Variants in CACNA1B observed in about 807,000 individuals in gnomAD.
CACNA1B encodes the protein calcium voltage-gated channel subunit alpha1 B.
In CACNA1B, 70 loss-of-function variants were observed where a neutral mutation model predicts 247.2. That is an observed-to-expected ratio of 0.28 (90% confidence interval 0.23 to 0.35). The LOEUF (loss-of-function observed/expected upper bound fraction) is 0.35, where lower values mean the gene tolerates loss of function less well. Among genes scored for constraint, CACNA1B ranks in the 10% least tolerant of loss-of-function variants. The pLI is 1.00. For missense variants in CACNA1B, 2,367 were observed against 3,197.4 expected (o/e 0.74, Z 6.26); for synonymous variants, 1,231 against 1,294.4 (o/e 0.95, Z 1.05).
chr9:138,050,070 G>A lies in CACNA1B; in HGVS notation c.3710+755G>A, dbSNP rs749408573. ...TCTTTGTCTTCCTCTTGCTGGACTC[G>A]GCAGGAGCTTCGTGGGGTAATGCCT... On this transcript the variant is annotated intron_variant, in intron 24 of 46. Coordinates refer to ENST00000371372, the MANE Select transcript of CACNA1B (RefSeq NM_000718.4). This position sits in a 1 kb window ranked among gnomAD's most constrained non-coding sequence, Gnocchi z 5.2. 11 of 1,289,464 alleles carry A rather than the reference G, an allele frequency of 8.5e-6. No individual in the cohort carries two copies. The highest frequency in any genetic ancestry group is 1.1e-4 in the East Asian group (2 of 18,024). 79.9% of individuals were successfully genotyped at this position (1,289,464 alleles called of 1,614,324 possible). A position where few individuals can be genotyped will look rare whatever the true frequency, so the allele number is the denominator to read the frequency against.
rs76363813 is a variant in CACNA1B, at chr9:138,114,535, G to A, written c.5649+45G>A. ...TTTCCAGGAAAACTGTGATGCCTCCGAGGCTCTGGCATCCTTCGGGGGGTT... is the reference window on the plus strand; with the variant it reads ...TTTCCAGGAAAACTGTGATGCCTCCAAGGCTCTGGCATCCTTCGGGGGGTT... On this transcript the variant is annotated intron_variant, in intron 41 of 46. Coordinates refer to ENST00000371372, the MANE Select transcript of CACNA1B (RefSeq NM_000718.4). 3,883 of 982,846 alleles carry A rather than the reference G, an allele frequency of 4.0e-3. 83 individuals are homozygous for A. In the African/African-American group the frequency reaches 0.05, roughly 13 times the overall value. 60.9% of individuals were successfully genotyped at this position (982,846 alleles called of 1,614,324 possible).
At chr9:137,963,938 C>G (rs1270194160) in intron 10 of CACNA1B, among the ~76,000 whole-genome samples, 1 of 152,180 alleles carries the variant, frequency 6.6e-6, no homozygotes, top group African/African-American at 2.4e-5. Context: ...GATCTTATTT[C>G]TCCTTCACTT....
chr9:138,117,200 G>A (rs746742779), intron 42 of CACNA1B, among the ~76,000 whole-genome samples: 3 of 152,172 alleles, frequency 2.0e-5, no homozygotes, highest in Non-Finnish European at 4.4e-5. Flanking sequence ...TGGGGCAGGC[G>A]TATGGGGAGC....
chr9:138,115,824 G>A (rs1391127589), intron 42 of CACNA1B, 145 bp downstream of exon 42: 6 of 790,440 alleles, frequency 7.6e-6, no homozygotes, highest in Non-Finnish European at 7.9e-6. Flanking sequence ...CCTGAGGGGC[G>A]TGTCTGCCAT....
Position 138,049,455 on chromosome 9 carries a change from C to A in CACNA1B, c.3710+140C>A. On this transcript the variant is annotated intron_variant, in intron 24 of 46. Transcript: ENST00000371372. ...TCTGTTGCTGTCCATGTGGGACTGT[C>A]CCTGCCTGCTTGGGGCGGGGCTGCG... The A allele has an allele frequency of 1.9e-5, 13 of 679,136 alleles. No homozygotes were observed. The South Asian group carries it at 2.2e-4, about 11-fold the overall frequency. 42.1% of individuals were successfully genotyped at this position (679,136 alleles called of 1,614,324 possible).
chr9:138,099,915 C>T (rs1450803093), intron 37 of CACNA1B, among the ~76,000 whole-genome samples: 1 of 152,240 alleles, frequency 6.6e-6, no homozygotes, highest in Non-Finnish European at 1.5e-5. Flanking sequence ...CTGTGTCCAC[C>T]CATCTGTCTA....
rs1266985644 is a variant in CACNA1B at position 138,031,560 on chromosome 9, C to T, written c.3286+6388C>T. ...GTTATTGAGTATCTTTGTCTACATT[C>T]GGATTTTCTGTCTAGATATGTCAAT... On this transcript the variant is annotated intron_variant, in intron 20 of 46. Coordinates refer to ENST00000371372, the MANE Select transcript of CACNA1B (RefSeq NM_000718.4). Among the ~76,000 whole-genome samples the T allele has an allele frequency of 5.9e-5, 9 of 152,214 alleles. No homozygotes were observed. The East Asian group carries it at 9.6e-4, about 16-fold the overall frequency.
chr9:137,993,659 TACCCTGAACAG>T (rs1298086489), intron 15 of CACNA1B, among the ~76,000 whole-genome samples: 4 of 152,286 alleles, frequency 2.6e-5, no homozygotes, highest in African/African-American at 9.6e-5. Context: ...GAGAATTAGA[TACCCTGAACAG>T]ACCAGTAACG....
In CACNA1B at chr9:137,956,895, G is replaced by T. The variant is rs991811786; in HGVS notation, c.1243+68G>T. 12 of 1,316,336 alleles carry T rather than the reference G, an allele frequency of 9.1e-6. 1 individual carries two copies. In the East Asian group the frequency reaches 9.2e-5, roughly 10 times the overall value. The allele number at this position is 1,316,336 out of a possible 1,614,324, so 81.5% of individuals were successfully genotyped here. A position where few individuals can be genotyped will look rare whatever the true frequency, so the allele number is the denominator to read the frequency against. ...GGTGGCCACGTGGGTGGTGACACGT[G>T]CCTGCTTGCATGTTTCACGCGAAGT... On this transcript the variant is annotated intron_variant, in intron 9 of 46. Coordinates refer to ENST00000371372, the MANE Select transcript of CACNA1B (RefSeq NM_000718.4).
intron 31 of CACNA1B, among the ~76,000 whole-genome samples, chr9:138,069,057 A>G (rs1194543894): frequency 1.3e-5 from 2 of 152,146 alleles, no homozygotes; most frequent in Non-Finnish European, 2.9e-5. Context: ...TGCTGGTTGG[A>G]AAGCTCAGCT....
chr9:138,015,141 G>A (rs1389178103), intron 18 of CACNA1B, among the ~76,000 whole-genome samples: 1 of 152,152 alleles, frequency 6.6e-6, no homozygotes, highest in East Asian at 1.9e-4. Context: ...AACTCAAGCA[G>A]GCTGCAGCCC....
intron 36 of CACNA1B, among the ~76,000 whole-genome samples, chr9:138,078,912 CAG>C (rs1396310673): frequency 1.3e-5 from 2 of 152,126 alleles, no homozygotes; most frequent in African/African-American, 4.8e-5. Context: ...TCTGGGGCCA[CAG>C]GGTGAGCAGT....
chr9:138,074,289 G>A (rs1960235836), intron 34 of CACNA1B, among the ~76,000 whole-genome samples: 1 of 150,804 alleles, frequency 6.6e-6, no homozygotes, highest in Admixed American at 6.6e-5. Flanking sequence ...CACCCCGGCT[G>A]GAGTGCAATG....
chr9:137,962,786 G>A (rs1277769652), intron 10 of CACNA1B, among the ~76,000 whole-genome samples: 1 of 152,252 alleles, frequency 6.6e-6, no homozygotes, highest in African/African-American at 2.4e-5. Flanking sequence ...TTGCTGAGGA[G>A]TGTTTGACTT....
chr9:137,933,812 G>C (rs886583513), intron 6 of CACNA1B, among the ~76,000 whole-genome samples: 16 of 152,118 alleles, frequency 1.1e-4, no homozygotes, highest in Non-Finnish European at 2.1e-4. Context: ...AGGGGTAAAG[G>C]GAAGCTCTGT....
At chr9:138,036,281 A>G (rs889211864) in intron 20 of CACNA1B, among the ~76,000 whole-genome samples, 4 of 152,100 alleles carry the variant, frequency 2.6e-5, no homozygotes, top group African/African-American at 9.7e-5. Context: ...CTGGGACTAC[A>G]GGCGCCCGCC....
chr9:138,123,695 A>G lies in CACNA1B; in HGVS notation c.*1696A>G, dbSNP rs982058061. The G allele has an allele frequency of 6.6e-6, 1 of 152,084 alleles. No individual in the cohort carries two copies. Among genetic ancestry groups the G allele is most frequent in the Non-Finnish European group, 1.5e-5 (1 of 68,020 alleles). 9.4% of individuals were successfully genotyped at this position (152,084 alleles called of 1,614,324 possible). A position where few individuals can be genotyped will look rare whatever the true frequency, so the allele number is the denominator to read the frequency against. Reference sequence around the variant, plus strand: ...GACACATTTAATAGAAGTAAAACACACAAGACCGCTGCCTGGTCTCGGGGT... The same window carrying G: ...GACACATTTAATAGAAGTAAAACACGCAAGACCGCTGCCTGGTCTCGGGGT... On this transcript the variant is annotated 3_prime_UTR_variant, in exon 47 of 47. Coordinates refer to ENST00000371372, the MANE Select transcript of CACNA1B (RefSeq NM_000718.4).
chr9:138,057,716 A>T lies in CACNA1B; in HGVS notation c.3969-16A>T. On this transcript the variant is annotated splice_polypyrimidine_tract_variant and intron_variant, in intron 26 of 46. Transcript: ENST00000371372. The surrounding 1 kb of genome is among the most constrained non-coding windows in gnomAD (Gnocchi z 4.0). The stretch of plus-strand genomic sequence containing the variant: ...TTTTGTCTTTGCCCTCTAACCTCCC[A>T]TGTTCTCATTCCTAGGGGTCAGTAT... 1.3e-6 allele frequency: 2 copies of T among 1,598,944 alleles called. No individual in the cohort carries two copies. The highest frequency in any genetic ancestry group is 1.7e-6 in the Non-Finnish European group (2 of 1,167,948).
At chr9:138,069,278 A>G (rs1232313248) in intron 31 of CACNA1B, among the ~76,000 whole-genome samples, 3 of 152,170 alleles carry the variant, frequency 2.0e-5, no homozygotes, top group South Asian at 2.1e-4. Context: ...TCCCCAACTT[A>G]AAAATCAAAA....
Sources: gnomAD v4.1 joint callset for allele counts (sites outside exome capture counted in the v4.1 genomes callset) on GRCh38, gnomAD v4.1.1 for gene constraint, Gnocchi (gnomAD v3.1) non-coding constraint, MANE v1.5 for transcripts, NCBI Gene and HGNC (gene_info 2026-07-23, HGNC 2026-07-21) for gene names.